The following CNGA1 variants were observed in gnomAD, a reference collection of about 807,000 sequenced individuals.
The protein encoded by CNGA1 is cyclic nucleotide gated channel subunit alpha 1.
Under a neutral mutation model 69.7 loss-of-function variants are expected in CNGA1, and 53 were observed. The ratio of observed to expected loss-of-function variants is 0.76; its 90% CI spans 0.61 to 0.96. CNGA1 has a LOEUF of 0.96. CNGA1 is among the 40% of genes least tolerant of loss of function. The pLI is 0.00. For synonymous variants in CNGA1, 249 were observed against 283.5 expected (o/e 0.88, Z 1.22); for missense variants, 739 against 811.2 (o/e 0.91, Z 1.08).
At chr4:47,950,126 G>A (rs1370152655) in intron 5 of CNGA1, among the ~76,000 whole-genome samples, 1 of 152,218 alleles carries the variant, frequency 6.6e-6, no homozygotes, top group Non-Finnish European at 1.5e-5. Context: ...CAAACATAGT[G>A]ATATGGTTTG....
intron 1 of CNGA1, among the ~76,000 whole-genome samples, chr4:48,012,258 C>T (rs1410978045): frequency 1.3e-5 from 2 of 152,240 alleles, no homozygotes; most frequent in South Asian, 4.1e-4. Flanking sequence ...ATAAAAAAAT[C>T]AGTTTAGTCC....
At chr4:47,940,961 G>A in intron 9 of CNGA1, 92 bp from the exon 10 acceptor site, 1 of 816,954 alleles carries the variant, frequency 1.2e-6, no homozygotes, top group East Asian at 2.6e-5. Context: ...ATCATGATGA[G>A]AAGCACAGCA....
At position 47,937,334 on chromosome 4, in the gene CNGA1, A is replaced by C; in HGVS notation, c.1148T>G (p.Leu383Ter). ...FVVVDFLIGV[L>*]IFATIVGNIG... ...GTTACCAACGATGGTAGCAAAAATTAACACTCCAATTAGGAAATCAACCAC... is the reference window on the plus strand; with the variant it reads ...GTTACCAACGATGGTAGCAAAAATTCACACTCCAATTAGGAAATCAACCAC... The change falls in exon 11 of 11, where the codon TTA (leucine) becomes TGA (stop). Residue 383 changes from leucine to a stop codon, truncating the protein, a stop_gained. Coordinates refer to ENST00000514170, the MANE Select transcript of CNGA1 (RefSeq NM_001379270.1). LOFTEE classifies it high-confidence loss of function. The C allele has an allele frequency of 2.5e-6, 4 of 1,614,112 alleles. No individual in the cohort carries two copies. In the South Asian group the frequency reaches 4.4e-5, roughly 18 times the overall value.
chr4:47,945,980 T>C (rs974395644), intron 6 of CNGA1, among the ~76,000 whole-genome samples: 1 of 152,140 alleles, frequency 6.6e-6, no homozygotes, highest in African/African-American at 2.4e-5. Context: ...AATTCCTGAA[T>C]ACAAAAGGGA....
chr4:48,016,675 T>G lies in CNGA1; in HGVS notation c.-415A>C. ...CAAGCCCCGGGCAGCAGGGCTCGGC[T>G]GGCGCTGAGGCCCCGCCTGGCCATG... On this transcript the variant is annotated 5_prime_UTR_variant, in exon 1 of 11. Transcript: ENST00000514170. 4 of 606,352 alleles carry G rather than the reference T, an allele frequency of 6.6e-6. No homozygotes were observed. The highest frequency in any genetic ancestry group is 1.1e-5 in the Non-Finnish European group (4 of 364,134). 37.6% of individuals were successfully genotyped at this position (606,352 alleles called of 1,614,324 possible). A position where few individuals can be genotyped will look rare whatever the true frequency, so the allele number is the denominator to read the frequency against.
chr4:47,952,211 A>T (rs1739786360), intron 4 of CNGA1, among the ~76,000 whole-genome samples: 1 of 151,478 alleles, frequency 6.6e-6, no homozygotes, highest in African/African-American at 2.4e-5. Context: ...AAAAATACAA[A>T]AAAAAAATTA....
intron 5 of CNGA1, 47 bp from the exon 6 acceptor site, chr4:47,949,942 T>C (rs371634526): frequency 2.6e-6 from 4 of 1,556,924 alleles, no homozygotes; most frequent in Non-Finnish European, 3.5e-6. Context: ...TCACCATCTG[T>C]ATAATGTCCA....
chr4:48,009,024 C>A (rs1158352916), intron 2 of CNGA1, among the ~76,000 whole-genome samples: 2 of 151,988 alleles, frequency 1.3e-5, no homozygotes, highest in Admixed American at 6.5e-5. Flanking sequence ...GGTTTGTAAC[C>A]CCTATGCCAA....
At chr4:47,986,243 AC>A (rs1741974161) in intron 2 of CNGA1, among the ~76,000 whole-genome samples, 1 of 152,090 alleles carries the variant, frequency 6.6e-6, no homozygotes, top group Non-Finnish European at 1.5e-5. Context: ...CCCCATCTCT[AC>A]TAAAATACAA....
chr4:47,956,140 G>A (rs1740073133), intron 3 of CNGA1, among the ~76,000 whole-genome samples: 1 of 152,226 alleles, frequency 6.6e-6, no homozygotes, highest in African/African-American at 2.4e-5. Flanking sequence ...CTTAGGTTTA[G>A]TCAATTAAAT....
At chr4:47,946,566 A>G (rs2110148643) in intron 6 of CNGA1, among the ~76,000 whole-genome samples, 1 of 152,348 alleles carries the variant, frequency 6.6e-6, no homozygotes, top group South Asian at 2.1e-4. Flanking sequence ...ATCTGCATCA[A>G]TGGCATTCTG....
intron 3 of CNGA1, among the ~76,000 whole-genome samples, chr4:47,969,562 C>T (rs760237042): frequency 3.3e-5 from 5 of 152,130 alleles, no homozygotes; most frequent in South Asian, 2.1e-4. Context: ...CTCCACCTCC[C>T]GGGTTCAAGC....
intron 2 of CNGA1, among the ~76,000 whole-genome samples, chr4:47,987,909 G>A (rs1742056472): frequency 1.3e-5 from 2 of 152,132 alleles, no homozygotes; most frequent in Admixed American, 1.3e-4. Flanking sequence ...TGTGTTTAAT[G>A]AAAAGCAGAG....
intron 1 of CNGA1, among the ~76,000 whole-genome samples, chr4:48,011,772 C>T (rs1364789094): frequency 2.0e-5 from 3 of 151,990 alleles, no homozygotes; most frequent in South Asian, 2.1e-4. Flanking sequence ...AGGCTGTAGG[C>T]AAATTTAAAC....
At position 48,015,213 on chromosome 4, in the gene CNGA1, C is replaced by G. The variant is rs116315990; in HGVS notation, c.-223+1270G>C. On this transcript the variant is annotated intron_variant, in intron 1 of 10. Transcript: ENST00000514170. ...AAACCAAGCCAAACAAACAAACAAGCAAACAAAAAGAAGTCTAAGTTTTAA... is the reference window on the plus strand; with the variant it reads ...AAACCAAGCCAAACAAACAAACAAGGAAACAAAAAGAAGTCTAAGTTTTAA... Among the ~76,000 whole-genome samples the G allele has an allele frequency of 9.2e-3, 1,388 of 150,668 alleles. 23 individuals are homozygous for G. Among genetic ancestry groups the G allele is most frequent in the African/African-American group, 0.032 (1,312 of 41,130 alleles).
chr4:47,961,689 G>A (rs1473208214), intron 3 of CNGA1, among the ~76,000 whole-genome samples: 1 of 152,112 alleles, frequency 6.6e-6, no homozygotes, highest in African/African-American at 2.4e-5. Flanking sequence ...GAAGTTTACA[G>A]TGCACTCCAG....
intron 9 of CNGA1, 63 bp from the exon 10 acceptor site, chr4:47,940,932 C>T: frequency 1.9e-6 from 2 of 1,080,106 alleles, no homozygotes; most frequent in Non-Finnish European, 2.8e-6. Flanking sequence ...AGTAAAAGTT[C>T]TCTTTGTATA....
chr4:47,989,461 G>T (rs1742139114), intron 2 of CNGA1, among the ~76,000 whole-genome samples: 1 of 151,902 alleles, frequency 6.6e-6, no homozygotes, highest in Non-Finnish European at 1.5e-5. Context: ...ACTTACCAGG[G>T]TACCATCATT....
At chr4:48,010,114 C>T (rs184852852) in intron 2 of CNGA1, among the ~76,000 whole-genome samples, 1 of 151,988 alleles carries the variant, frequency 6.6e-6, no homozygotes, top group East Asian at 1.9e-4. Context: ...TGAAACAACA[C>T]AGGTGAAAAT....
Sources: allele counts gnomAD v4.1 joint callset (sites outside exome capture counted in the v4.1 genomes callset), GRCh38; gene constraint gnomAD v4.1.1; transcripts MANE v1.5; gene names NCBI Gene and HGNC (gene_info 2026-07-23, HGNC 2026-07-21).